Variants in PAX7 observed in about 807,000 individuals in gnomAD.
PAX7 encodes paired box protein Pax-7.
In PAX7, 18 loss-of-function variants were observed where a neutral mutation model predicts 50.7. The observed-to-expected ratio is 0.36, with a 90% CI of 0.25 to 0.53. The LOEUF (loss-of-function observed/expected upper bound fraction) is 0.53. PAX7 is among the 20% of genes least tolerant of loss of function. The pLI is 0.93. For missense variants in PAX7, 644 were observed against 702.9 expected (o/e 0.92, Z 0.95); for synonymous variants, 310 against 290.4 (o/e 1.07, Z -0.69).
At chr1:18,653,318 C>T (rs1340499528) in intron 4 of PAX7, among the ~76,000 whole-genome samples, 1 of 151,794 alleles carries the variant, frequency 6.6e-6, no homozygotes, top group East Asian at 1.9e-4. Context: ...ATATTGCAAT[C>T]CTGGTTAAGG....
rs1339060628 is a variant in PAX7 at position 18,745,926 on chromosome 1, G to A, written c.*997G>A. ...GTTTGTGGGAGGGCAAGCCTTTGTT[G>A]CCCAAGGCTTCAGCTCTCTGCCTGC... On this transcript the variant is annotated 3_prime_UTR_variant, in exon 9 of 9. Coordinates refer to ENST00000420770, the MANE Select transcript of PAX7 (RefSeq NM_001135254.2). 1 of 231,714 alleles carries A rather than the reference G, an allele frequency of 4.3e-6. No homozygotes were observed. The highest frequency in any genetic ancestry group is 5.6e-5 in the Admixed American group (1 of 17,720). The allele number at this position is 231,714 out of a possible 1,614,324, so 14.4% of individuals were successfully genotyped here.
intron 4 of PAX7, among the ~76,000 whole-genome samples, chr1:18,652,950 G>A (rs1453872277): frequency 1.3e-5 from 2 of 152,212 alleles, no homozygotes; most frequent in Admixed American, 1.3e-4. Flanking sequence ...AGCTCAGAGA[G>A]GTTTACTCAG....
At chr1:18,701,825 G>A (rs2100323811) in intron 6 of PAX7, among the ~76,000 whole-genome samples, 1 of 152,272 alleles carries the variant, frequency 6.6e-6, no homozygotes, top group South Asian at 2.1e-4. Context: ...TTCTAGCGCT[G>A]GAAAGGGATA....
In PAX7 at chr1:18,725,610, C is replaced by T. The variant is rs114351869; in HGVS notation, c.1156-10022C>T. Among the ~76,000 whole-genome samples, 720 of 152,332 alleles carry T rather than the reference C, an allele frequency of 4.7e-3. 7 individuals are homozygous for T. Among genetic ancestry groups the T allele is most frequent in the African/African-American group, 0.017 (691 of 41,572 alleles). ...AAGGCCAGATACATTAATTACAAAACGGCCATTTGCCGCGTGAAAGTGTGC... is the reference window on the plus strand; with the variant it reads ...AAGGCCAGATACATTAATTACAAAATGGCCATTTGCCGCGTGAAAGTGTGC... On this transcript the variant is annotated intron_variant, in intron 7 of 8. Transcript: ENST00000420770.
chr1:18,667,011 G>A (rs1031201508), intron 4 of PAX7, among the ~76,000 whole-genome samples: 48 of 152,216 alleles, frequency 3.2e-4, no homozygotes, highest in African/African-American at 1.1e-3. Context: ...GAGACGCTCC[G>A]TAGCTTCTCC....
In PAX7 at chr1:18,635,309, G is replaced by A. The variant is rs2088132544; in HGVS notation, c.451+69G>A. The A allele has an allele frequency of 3.8e-6, 6 of 1,571,786 alleles. No homozygotes were observed. In the East Asian group the frequency reaches 9.0e-5, roughly 24 times the overall value. ...CAGGGGTCCAGTGTGGAGGGCTGGA[G>A]GTGGGAGAGAGGGGAGAGGAGATGA... On this transcript the variant is annotated intron_variant, in intron 3 of 8. Coordinates refer to ENST00000420770, the MANE Select transcript of PAX7 (RefSeq NM_001135254.2).
chr1:18,667,151 G>A (rs759293342), intron 4 of PAX7, among the ~76,000 whole-genome samples: 1 of 152,150 alleles, frequency 6.6e-6, no homozygotes, highest in South Asian at 2.1e-4. Flanking sequence ...GAGGAGTCAG[G>A]TTCAAGTCCT....
In PAX7 at chr1:18,636,592, G is replaced by C. The variant is rs1466005269; in HGVS notation, c.586+221G>C. Among the ~76,000 whole-genome samples the C allele has an allele frequency of 6.6e-6, 1 of 152,208 alleles. No homozygotes were observed. The highest frequency in any genetic ancestry group is 1.5e-5 in the Non-Finnish European group (1 of 68,038). ...GATGCGAAGCCCGCGCCTTCTTTGC[G>C]CTATGGAGGCCGGGCACGGACGGCC... is the stretch of plus-strand genomic sequence containing the variant. On this transcript the variant is annotated intron_variant, in intron 4 of 8. Coordinates refer to ENST00000420770, the MANE Select transcript of PAX7 (RefSeq NM_001135254.2). The surrounding 1 kb of genome is among the most constrained non-coding windows in gnomAD (Gnocchi z 5.1).
At chr1:18,721,171 G>A (rs1043824614) in intron 7 of PAX7, among the ~76,000 whole-genome samples, 1 of 152,170 alleles carries the variant, frequency 6.6e-6, no homozygotes, top group African/African-American at 2.4e-5. Flanking sequence ...ACAGGGGGCT[G>A]CCCGGGCCTG....
intron 4 of PAX7, among the ~76,000 whole-genome samples, chr1:18,682,874 G>C (rs1488285491): frequency 6.6e-6 from 1 of 152,120 alleles, no homozygotes; most frequent in African/African-American, 2.4e-5. Flanking sequence ...GGTCTCAAGG[G>C]GAATATGCAG....
rs529473189 is a variant in PAX7 at position 18,697,953 on chromosome 1, G to C, written c.787-2700G>C. ...CAGAGAGGAGTCCCAGTAAAAGTTT[G>C]AGAGGAGAAGGTGGGAATAAAGAAG... On this transcript the variant is annotated intron_variant, in intron 5 of 8. Transcript: ENST00000420770. Among the ~76,000 whole-genome samples, 3 of 152,222 alleles carry C rather than the reference G, an allele frequency of 2.0e-5. No homozygotes were observed. In the East Asian group the frequency reaches 5.8e-4, roughly 29 times the overall value.
intron 4 of PAX7, among the ~76,000 whole-genome samples, chr1:18,653,759 G>T (rs960856636): frequency 6.6e-6 from 1 of 152,006 alleles, no homozygotes; most frequent in Admixed American, 6.6e-5. Flanking sequence ...TCTGCTTGAA[G>T]TCATCTAGCT....
At position 18,718,684 on chromosome 1, in the gene PAX7, C is replaced by T. The variant is rs111352800; in HGVS notation, c.1155+15388C>T. Among the ~76,000 whole-genome samples, 1,139 of 151,854 alleles carry T rather than the reference C, an allele frequency of 7.5e-3. 15 individuals carry two copies. The highest frequency in any genetic ancestry group is 0.026 in the African/African-American group (1,083 of 41,392). On this transcript the variant is annotated intron_variant, in intron 7 of 8. Transcript: ENST00000420770. The stretch of plus-strand genomic sequence containing the variant: ...TTGAGATGGGAGTCTCGCTGTGTCG[C>T]CAGGCTGGAGTTCAGTGGCTCGATC...
At chr1:18,728,168 G>A (rs906121142) in intron 7 of PAX7, among the ~76,000 whole-genome samples, 7 of 152,172 alleles carry the variant, frequency 4.6e-5, no homozygotes, top group Admixed American at 3.3e-4. Flanking sequence ...ACAGGTTTGC[G>A]TGAGTGAGCT....
At chr1:18,676,406 G>C (rs1253219385) in intron 4 of PAX7, among the ~76,000 whole-genome samples, 3 of 151,172 alleles carry the variant, frequency 2.0e-5, no homozygotes, top group Non-Finnish European at 2.9e-5. Context: ...AGAGGGTGGG[G>C]AGGGGGGCAG....
intron 4 of PAX7, among the ~76,000 whole-genome samples, chr1:18,664,073 C>T (rs2088634748): frequency 6.6e-6 from 1 of 152,224 alleles, no homozygotes; most frequent in Admixed American, 6.5e-5. Context: ...CACAGCTCTC[C>T]CAGATCGTTG....
chr1:18,653,735 G>A (rs564326934), intron 4 of PAX7, among the ~76,000 whole-genome samples: 1 of 152,048 alleles, frequency 6.6e-6, no homozygotes, highest in South Asian at 2.1e-4. Context: ...CCAAGACTTA[G>A]AGAGGCCAAG....
intron 4 of PAX7, among the ~76,000 whole-genome samples, chr1:18,677,598 T>C (rs2088842292): frequency 6.6e-6 from 1 of 151,940 alleles, no homozygotes; most frequent in Non-Finnish European, 1.5e-5. Context: ...TGAAGGAAGA[T>C]AGAAATGTGG....
At chr1:18,698,247 C>A (rs2089173740) in intron 5 of PAX7, among the ~76,000 whole-genome samples, 1 of 150,380 alleles carries the variant, frequency 6.6e-6, no homozygotes, top group African/African-American at 2.5e-5. Context: ...ACAACACTCC[C>A]ATAAAGGGAA....
Sources: gnomAD v4.1 joint callset for allele counts (sites outside exome capture counted in the v4.1 genomes callset) on GRCh38, gnomAD v4.1.1 for gene constraint, Gnocchi (gnomAD v3.1) non-coding constraint, MANE v1.5 for transcripts, NCBI Gene and HGNC (gene_info 2026-07-23, HGNC 2026-07-21) for gene names.